The following ADAMTS4 variants were observed in gnomAD, a reference collection of about 807,000 sequenced individuals.
The protein encoded by ADAMTS4 is A disintegrin and metalloproteinase with thrombospondin motifs 4.
A neutral mutation model predicts 66.7 loss-of-function variants in ADAMTS4; 38 were observed. That is an observed-to-expected ratio of 0.57 (90% CI 0.44 to 0.75). The LOEUF (loss-of-function observed/expected upper bound fraction) is 0.75, where lower values mean the gene tolerates loss of function less well. ADAMTS4 is among the 30% of genes least tolerant of loss of function. The pLI, the probability that ADAMTS4 is intolerant of heterozygous loss-of-function variation, is 0.00. For missense variants in ADAMTS4, 1,014 were observed against 1,116.7 expected (o/e 0.91, Z 1.31); for synonymous variants, 418 against 461.5 (o/e 0.91, Z 1.21).
chr1:161,193,437 C>A lies in ADAMTS4; in HGVS notation c.1736-49G>T. 6.3e-7 allele frequency: 1 copy of A among 1,586,246 alleles called. No individual in the cohort carries two copies. The highest frequency in any genetic ancestry group is 2.2e-5 in the East Asian group (1 of 44,500). ...CCCCTCCTTCCTTCCTCACATCACCCCACATCCCTCCACCCAACCCCTGAG... is the reference window on the plus strand; with the variant it reads ...CCCCTCCTTCCTTCCTCACATCACCACACATCCCTCCACCCAACCCCTGAG... On this transcript the variant is annotated intron_variant, in intron 6 of 8. Transcript: ENST00000367996. The surrounding 1 kb of genome is among the most constrained non-coding windows in gnomAD (Gnocchi z 4.4).
chr1:161,193,567 TCTTGCA>T lies in ADAMTS4; in HGVS notation c.1735+67_1735+72del. ...AGCAGGGGAATCAACACCCCCTTGGTCTTGCACTCAAGGGACAGTCCTTCCTGCTCT... is the reference window on the plus strand; with the variant it reads ...AGCAGGGGAATCAACACCCCCTTGGTCTCAAGGGACAGTCCTTCCTGCTCT... On this transcript the variant is annotated intron_variant, in intron 6 of 8. Transcript: ENST00000367996. The surrounding 1 kb of genome is among the most constrained non-coding windows in gnomAD (Gnocchi z 4.4). 2 of 1,538,876 alleles carry T rather than the reference TCTTGCA, an allele frequency of 1.3e-6. No individual in the cohort carries two copies. The highest frequency in any genetic ancestry group is 1.8e-6 in the Non-Finnish European group (2 of 1,137,610).
In ADAMTS4 at chr1:161,198,280, A is replaced by G. The variant is rs772652597; in HGVS notation, c.348T>C (p.Pro116=). The change falls in exon 1 of 9, where the codon CCT becomes CCC. Residue 116 remains proline (P), a synonymous_variant. Transcript: ENST00000367996. This position sits in a 1 kb window ranked among gnomAD's most constrained non-coding sequence, Gnocchi z 4.7. ...GLTVQYLGQA[P]ELLGGAEPGT... Reference sequence around the variant, plus strand: ...CAGGCTCTGCTCCACCCAGCAGCTCAGGCGCCTGGCCCAGGTACTGCACTG... The same window carrying G: ...CAGGCTCTGCTCCACCCAGCAGCTCGGGCGCCTGGCCCAGGTACTGCACTG... 4 of 1,613,706 alleles carry G rather than the reference A, an allele frequency of 2.5e-6. No individual in the cohort carries two copies. Among genetic ancestry groups the G allele is most frequent in the Non-Finnish European group, 2.5e-6 (3 of 1,179,906 alleles).
intron 3 of ADAMTS4, 53 bp downstream of exon 3, chr1:161,196,118 C>T: frequency 6.6e-7 from 1 of 1,519,464 alleles, no homozygotes; most frequent in South Asian, 1.3e-5. Flanking sequence ...AACTTGCTAC[C>T]CCCTCCCCCA....
rs1006865146 is a variant in ADAMTS4, at chr1:161,188,958, C to T, written c.*2180G>A. ...GTTTCACTGTGGTAGCCAGGATGGT[C>T]GGTCTCAATCTCCTGACCTCGTGAT... On this transcript the variant is annotated 3_prime_UTR_variant, in exon 9 of 9. Transcript: ENST00000367996. 6 of 141,768 alleles carry T rather than the reference C, an allele frequency of 4.2e-5. No individual in the cohort carries two copies. Among genetic ancestry groups the T allele is most frequent in the South Asian group, 2.2e-4 (1 of 4,466 alleles). The allele number at this position is 141,768 out of a possible 1,614,324, so 8.8% of individuals were successfully genotyped here. A position where few individuals can be genotyped will look rare whatever the true frequency, so the allele number is the denominator to read the frequency against.
Position 161,193,528 on chromosome 1 carries a change from G to A in ADAMTS4, c.1735+112C>T, listed in dbSNP as rs1027903565. On this transcript the variant is annotated intron_variant, in intron 6 of 8. Transcript: ENST00000367996. The surrounding 1 kb of genome is among the most constrained non-coding windows in gnomAD (Gnocchi z 4.4). ...CAAGGACAATTCCCAGAGGTTAAAGGCACTCCCCACAGCAGCAGGGGAATC... is the reference window on the plus strand; with the variant it reads ...CAAGGACAATTCCCAGAGGTTAAAGACACTCCCCACAGCAGCAGGGGAATC... The A allele has an allele frequency of 6.6e-7, 1 of 1,509,384 alleles. No individual in the cohort carries two copies. Among genetic ancestry groups the A allele is most frequent in the Non-Finnish European group, 9.0e-7 (1 of 1,115,902 alleles). 93.5% of individuals were successfully genotyped at this position (1,509,384 alleles called of 1,614,324 possible). A position where few individuals can be genotyped will look rare whatever the true frequency, so the allele number is the denominator to read the frequency against.
At position 161,194,226 on chromosome 1, in the gene ADAMTS4, G is replaced by A. The variant is rs983936695; in HGVS notation, c.1262-5C>T. ...GTTTGTCTAAGAGACAGTGCCCTGGGAAGGGGGTTGGGGCACAAAGTCAGC... is the reference window on the plus strand; with the variant it reads ...GTTTGTCTAAGAGACAGTGCCCTGGAAAGGGGGTTGGGGCACAAAGTCAGC... On this transcript the variant is annotated splice_polypyrimidine_tract_variant and splice_region_variant and intron_variant, in intron 4 of 8. Coordinates refer to ENST00000367996, the MANE Select transcript of ADAMTS4 (RefSeq NM_005099.6). The surrounding 1 kb of genome is among the most constrained non-coding windows in gnomAD (Gnocchi z 4.1). 6.2e-7 allele frequency: 1 copy of A among 1,610,314 alleles called. No homozygotes were observed. Among genetic ancestry groups the A allele is most frequent in the Non-Finnish European group, 8.5e-7 (1 of 1,177,118 alleles).
rs935120144 is a variant in ADAMTS4, at chr1:161,184,810, G to A, written c.*6328C>T. 7.9e-5 allele frequency: 12 copies of A among 152,060 alleles called. No individual in the cohort carries two copies. Among genetic ancestry groups the A allele is most frequent in the African/African-American group, 2.2e-4 (9 of 41,382 alleles). The allele number at this position is 152,060 out of a possible 1,614,324, so 9.4% of individuals were successfully genotyped here. On this transcript the variant is annotated 3_prime_UTR_variant, in exon 9 of 9. Coordinates refer to ENST00000367996, the MANE Select transcript of ADAMTS4 (RefSeq NM_005099.6). Reference sequence around the variant, plus strand: ...GAGGCAGGCAGATCACTTGAGCCCGGGAGTTCAAGACCAGCCTGGGCAACA... The same window carrying A: ...GAGGCAGGCAGATCACTTGAGCCCGAGAGTTCAAGACCAGCCTGGGCAACA...
At chr1:161,191,971 C>T in intron 8 of ADAMTS4, 94 bp downstream of exon 8, 1 of 1,407,460 alleles carries the variant, frequency 7.1e-7, no homozygotes. Flanking sequence ...AGACTGTGAG[C>T]TCTTTGAGAG....
At position 161,196,540 on chromosome 1, in the gene ADAMTS4, G is replaced by A. The variant is rs1336943365; in HGVS notation, c.957+17C>T. ...AATTGTGCAGTGCATGGCCTGCGGT[G>A]CTGACTGGGGCCTCACCTGACGGGT... On this transcript the variant is annotated intron_variant, in intron 2 of 8. Transcript: ENST00000367996. 6.2e-7 allele frequency: 1 copy of A among 1,612,454 alleles called. No homozygotes were observed. The highest frequency in any genetic ancestry group is 2.2e-5 in the East Asian group (1 of 44,864).
Position 161,190,984 on chromosome 1 carries a change from C to G in ADAMTS4, c.*154G>C, listed in dbSNP as rs1450508769. 1.7e-5 allele frequency: 15 copies of G among 879,548 alleles called. No homozygotes were observed. Among genetic ancestry groups the G allele is most frequent in the Non-Finnish European group, 2.3e-5 (14 of 602,100 alleles). 54.5% of individuals were successfully genotyped at this position (879,548 alleles called of 1,614,324 possible). On this transcript the variant is annotated 3_prime_UTR_variant, in exon 9 of 9. Transcript: ENST00000367996. Reference sequence around the variant, plus strand: ...CCCAGGGCAGGAAACCAGGGCAGGGCCAGCCTGCGCATTAGGGCAGAGAGG... The same window carrying G: ...CCCAGGGCAGGAAACCAGGGCAGGGGCAGCCTGCGCATTAGGGCAGAGAGG...
intron 1 of ADAMTS4, 189 bp from the exon 2 acceptor site, chr1:161,197,069 T>A (rs934077552): frequency 5.1e-5 from 30 of 585,578 alleles, no homozygotes; most frequent in Non-Finnish European, 7.8e-5. Flanking sequence ...TCTCAGGGCT[T>A]TTGTGGTAAC....
Position 161,195,451 on chromosome 1 carries a change from T to G in ADAMTS4, c.1261+14A>C, listed in dbSNP as rs767424745. The G allele has an allele frequency of 8.2e-6, 13 of 1,594,978 alleles. No individual in the cohort carries two copies. Among genetic ancestry groups the G allele is most frequent in the Non-Finnish European group, 1.1e-5 (13 of 1,170,964 alleles). Reference sequence around the variant, plus strand: ...TGAGTGCTACCCAGGGAAAGGTAAGTGCCATCTGCTTACCATAGCCATTGT... The same window carrying G: ...TGAGTGCTACCCAGGGAAAGGTAAGGGCCATCTGCTTACCATAGCCATTGT... On this transcript the variant is annotated intron_variant, in intron 4 of 8. Coordinates refer to ENST00000367996, the MANE Select transcript of ADAMTS4 (RefSeq NM_005099.6).
chr1:161,193,561 C>A lies in ADAMTS4; in HGVS notation c.1735+79G>T, dbSNP rs953213994. ...CACAGCAGCAGGGGAATCAACACCCCCTTGGTCTTGCACTCAAGGGACAGT... is the reference window on the plus strand; with the variant it reads ...CACAGCAGCAGGGGAATCAACACCCACTTGGTCTTGCACTCAAGGGACAGT... On this transcript the variant is annotated intron_variant, in intron 6 of 8. Transcript: ENST00000367996. This position sits in a 1 kb window ranked among gnomAD's most constrained non-coding sequence, Gnocchi z 4.4. 3.2e-6 allele frequency: 5 copies of A among 1,539,230 alleles called. No homozygotes were observed. The Admixed American group carries it at 9.4e-5, about 29-fold the overall frequency.
rs1175006490 is a variant in ADAMTS4, at chr1:161,196,822, G to A, written c.692C>T (p.Ala231Val). Residue 231 changes from alanine to valine, a missense_variant, in exon 2 of 9, where the codon GCC (alanine) becomes GTC (valine). Coordinates refer to ENST00000367996, the MANE Select transcript of ADAMTS4 (RefSeq NM_005099.6). ...ETLVVADDKMAAFHGAGLKRY... is the reference protein window; with the variant it reads ...ETLVVADDKMVAFHGAGLKRY... Reference sequence around the variant, plus strand: ...CTTTAGCCCCGCACCGTGGAATGCGGCCATCTTGTCATCTGCCACCACCAG... The same window carrying A: ...CTTTAGCCCCGCACCGTGGAATGCGACCATCTTGTCATCTGCCACCACCAG... 13 of 1,609,956 alleles carry A rather than the reference G, an allele frequency of 8.1e-6. No individual in the cohort carries two copies. The highest frequency in any genetic ancestry group is 1.3e-5 in the African/African-American group (1 of 74,926).
Position 161,194,013 on chromosome 1 carries a change from G to A in ADAMTS4, c.1470C>T (p.Ala490=), listed in dbSNP as rs750505995. 8 of 1,613,472 alleles carry A rather than the reference G, an allele frequency of 5.0e-6. No homozygotes were observed. Among genetic ancestry groups the A allele is most frequent in the East Asian group, 2.2e-5 (1 of 44,872 alleles). The part of the protein sequence containing the change: ...AMCQTKHSPW[A]DGTPCGPAQA... ...GTGCGGGCCCGCAGGGTGTGCCATC[G>A]GCCCAGGGCGAGTGTTTGGTCTGGC... The change falls in exon 5 of 9, where the codon GCC becomes GCT. Residue 490 remains alanine (A), a synonymous_variant. Coordinates refer to ENST00000367996, the MANE Select transcript of ADAMTS4 (RefSeq NM_005099.6). The surrounding 1 kb of genome is among the most constrained non-coding windows in gnomAD (Gnocchi z 4.1).
At chr1:161,197,109 G>C (rs765342590) in intron 1 of ADAMTS4, 5 of 523,362 alleles carry the variant, frequency 9.6e-6, no homozygotes, top group Non-Finnish European at 1.7e-5. Flanking sequence ...GTTCTAAGAA[G>C]GGGAGGAGAA....
chr1:161,189,179 C>T lies in ADAMTS4; in HGVS notation c.*1959G>A, dbSNP rs975871129. 3 of 151,966 alleles carry T rather than the reference C, an allele frequency of 2.0e-5. No individual in the cohort carries two copies. The highest frequency in any genetic ancestry group is 4.4e-5 in the Non-Finnish European group (3 of 68,010). 9.4% of individuals were successfully genotyped at this position (151,966 alleles called of 1,614,324 possible). On this transcript the variant is annotated 3_prime_UTR_variant, in exon 9 of 9. Coordinates refer to ENST00000367996, the MANE Select transcript of ADAMTS4 (RefSeq NM_005099.6). ...ACCTCTCACATGGCCATGACTATAACCTTTACTATTTTGAAAATATTCTAG... is the reference window on the plus strand; with the variant it reads ...ACCTCTCACATGGCCATGACTATAATCTTTACTATTTTGAAAATATTCTAG...
Position 161,192,061 on chromosome 1 carries a change from G to T in ADAMTS4, c.2087+4C>A, listed in dbSNP as rs370229251. 61 of 1,613,596 alleles carry T rather than the reference G, an allele frequency of 3.8e-5. No homozygotes were observed. The South Asian group carries it at 6.4e-4, about 17-fold the overall frequency. Reference sequence around the variant, plus strand: ...GGTAGAGGGAGGAATGATGGTGAAAGAACCTGAATTTCCTGAAGGAGCCTG... The same window carrying T: ...GGTAGAGGGAGGAATGATGGTGAAATAACCTGAATTTCCTGAAGGAGCCTG... On this transcript the variant is annotated splice_donor_region_variant and intron_variant, in intron 8 of 8. Transcript: ENST00000367996.
At position 161,193,382 on chromosome 1, in the gene ADAMTS4, G is replaced by C. The variant is rs1158630579; in HGVS notation, c.1742C>G (p.Thr581Ser). The change falls in exon 7 of 9, where the codon ACC becomes AGC. Residue 581 changes from threonine to serine, a missense_variant. Physicochemically the swap from Thr to Ser is moderately conservative, Grantham distance 58. Transcript: ENST00000367996. The surrounding 1 kb of genome is among the most constrained non-coding windows in gnomAD (Gnocchi z 4.4). ...GGCAGCACACTGCTCCTCGCGGAAG[G>C]TCAGGGCTGGAGGGGTAAAACAGTC... ...TEDCPTGSAL[T>S]FREEQCAAYN... is the part of the protein sequence containing the mutation. 1 of 1,613,330 alleles carries C rather than the reference G, an allele frequency of 6.2e-7. No homozygotes were observed. The highest frequency in any genetic ancestry group is 1.3e-5 in the African/African-American group (1 of 74,878).
Sources: gnomAD v4.1 joint callset for allele counts on GRCh38, gnomAD v4.1.1 for gene constraint, Gnocchi (gnomAD v3.1) non-coding constraint, MANE v1.5 for transcripts, NCBI Gene and HGNC (gene_info 2026-07-23, HGNC 2026-07-21) for gene names.